ADGRB3: variants seen among roughly 807,000 people sequenced by gnomAD.
ADGRB3 encodes the protein adhesion G protein-coupled receptor B3.
A neutral mutation model predicts 193.4 loss-of-function variants in ADGRB3; 37 were observed. The observed-to-expected ratio is 0.19, with a 90% CI of 0.15 to 0.25. ADGRB3 has a LOEUF of 0.25. ADGRB3 is among the 10% of genes least tolerant of loss of function. The pLI is 1.00. For synonymous variants in ADGRB3, 690 were observed against 644.2 expected (o/e 1.07, Z -1.08); for missense variants, 1,637 against 1,852.9 (o/e 0.88, Z 2.14).
At chr6:68,689,467 C>A (rs971106659) in intron 3 of ADGRB3, among the ~76,000 whole-genome samples, 1 of 152,082 alleles carries the variant, frequency 6.6e-6, no homozygotes, top group African/African-American at 2.4e-5. Context: ...CAAGATTAAC[C>A]GGCTCAGGCC....
intron 3 of ADGRB3, among the ~76,000 whole-genome samples, chr6:68,814,014 C>A (rs1358632697): frequency 6.6e-6 from 1 of 152,148 alleles, no homozygotes; most frequent in Non-Finnish European, 1.5e-5. Flanking sequence ...CCACAATAAA[C>A]CTACGTGTGC....
Position 69,330,497 on chromosome 6 carries a change from C to T in ADGRB3, c.3036-9C>T, listed in dbSNP as rs747383216. ...ATTTTTGTTAGTTCTTATCTAATGT[C>T]ATTTTCAGCTGCTGGCTCTCTCTTG... is the stretch of plus-strand genomic sequence containing the variant. On this transcript the variant is annotated splice_polypyrimidine_tract_variant and intron_variant, in intron 22 of 31. Coordinates refer to ENST00000370598, the MANE Select transcript of ADGRB3 (RefSeq NM_001704.3). 3 of 1,600,510 alleles carry T rather than the reference C, an allele frequency of 1.9e-6. No homozygotes were observed. The highest frequency in any genetic ancestry group is 2.7e-5 in the African/African-American group (2 of 74,550).
intron 21 of ADGRB3, 101 bp downstream of exon 21, chr6:69,325,123 A>G: frequency 7.2e-7 from 1 of 1,393,346 alleles, no homozygotes; most frequent in Non-Finnish European, 9.7e-7. Context: ...CTTTGTGTCT[A>G]ATTTAATCTA....
chr6:69,110,529 G>C (rs1773339572), intron 17 of ADGRB3, among the ~76,000 whole-genome samples: 1 of 152,070 alleles, frequency 6.6e-6, no homozygotes, highest in Non-Finnish European at 1.5e-5. Flanking sequence ...GTCATTAATT[G>C]TTATAGAATT....
chr6:69,217,261 G>A (rs1329583646), intron 17 of ADGRB3, among the ~76,000 whole-genome samples: 1 of 152,188 alleles, frequency 6.6e-6, no homozygotes, highest in Non-Finnish European at 1.5e-5. Flanking sequence ...GGTCCTGGCA[G>A]TAGTCACCAA....
chr6:69,227,219 A>C (rs1055724678), intron 17 of ADGRB3, among the ~76,000 whole-genome samples: 1 of 152,168 alleles, frequency 6.6e-6, no homozygotes, highest in East Asian at 1.9e-4. Flanking sequence ...AAGAAAGGCC[A>C]ATAAGGAGCT....
intron 3 of ADGRB3, among the ~76,000 whole-genome samples, chr6:68,784,356 A>G (rs576313735): frequency 8.5e-5 from 13 of 152,068 alleles, no homozygotes; most frequent in South Asian, 2.1e-4. Context: ...ACTTTTTTCT[A>G]TGCTCACATA....
At chr6:69,078,265 G>A (rs930764750) in intron 17 of ADGRB3, among the ~76,000 whole-genome samples, 6 of 151,910 alleles carry the variant, frequency 3.9e-5, no homozygotes, top group African/African-American at 1.4e-4. Flanking sequence ...CAATGCACGA[G>A]TATTTTTTAC....
At chr6:68,727,135 A>G (rs908368340) in intron 3 of ADGRB3, among the ~76,000 whole-genome samples, 45 of 151,584 alleles carry the variant, frequency 3.0e-4, no homozygotes, top group Non-Finnish European at 1.0e-4. Context: ...CAGCTTTGTC[A>G]TTCAATGATG....
At chr6:68,643,925 C>CT (rs1185901621) in intron 3 of ADGRB3, among the ~76,000 whole-genome samples, 3 of 143,378 alleles carry the variant, frequency 2.1e-5, no homozygotes, top group Non-Finnish European at 3.0e-5. Context: ...GAGCAAGACT[C>CT]TATCAGAAAA....
chr6:68,853,974 T>C (rs1288907278), intron 3 of ADGRB3, among the ~76,000 whole-genome samples: 1 of 152,210 alleles, frequency 6.6e-6, no homozygotes, highest in African/African-American at 2.4e-5. Context: ...ACAGATCTTT[T>C]ATTAATCATC....
intron 3 of ADGRB3, among the ~76,000 whole-genome samples, chr6:68,716,978 T>C (rs1478433491): frequency 1.3e-5 from 2 of 151,676 alleles, no homozygotes; most frequent in African/African-American, 2.4e-5. Flanking sequence ...TGAAGAGACA[T>C]TGTGATAAAG....
In ADGRB3 at chr6:69,001,574, C is replaced by T. The variant is rs936549522; in HGVS notation, c.1929+7612C>T. Reference sequence around the variant, plus strand: ...ACCTAGATATGAGAAAAGAAGAGAGCGTGTCTTAGTGACAGTGGGTCAGAA... The same window carrying T: ...ACCTAGATATGAGAAAAGAAGAGAGTGTGTCTTAGTGACAGTGGGTCAGAA... On this transcript the variant is annotated intron_variant, in intron 11 of 31. Transcript: ENST00000370598. 8.6e-5 allele frequency among the ~76,000 whole-genome samples: 13 copies of T among 151,946 alleles called. No homozygotes were observed. The East Asian group carries it at 1.2e-3, about 14-fold the overall frequency.
chr6:68,859,985 A>G (rs535935437), intron 3 of ADGRB3, among the ~76,000 whole-genome samples: 1 of 152,312 alleles, frequency 6.6e-6, no homozygotes, highest in South Asian at 2.1e-4. Context: ...ATAACATAAT[A>G]GTAACTATAG....
intron 11 of ADGRB3, among the ~76,000 whole-genome samples, chr6:68,995,631 A>G (rs895440096): frequency 5.9e-5 from 9 of 152,122 alleles, no homozygotes; most frequent in Non-Finnish European, 4.4e-5. Flanking sequence ...TTTCCATCCT[A>G]CTTCATCAAA....
intron 29 of ADGRB3, among the ~76,000 whole-genome samples, chr6:69,371,506 A>G (rs1769706571): frequency 1.3e-5 from 2 of 152,064 alleles, no homozygotes; most frequent in Admixed American, 6.6e-5. Context: ...TGAATATTAC[A>G]TGCTTTAATT....
chr6:68,849,643 T>C (rs1487778100), intron 3 of ADGRB3, among the ~76,000 whole-genome samples: 1 of 151,946 alleles, frequency 6.6e-6, no homozygotes, highest in Non-Finnish European at 1.5e-5. Flanking sequence ...ACTCTCAAAC[T>C]CTCATTTTTA....
intron 3 of ADGRB3, among the ~76,000 whole-genome samples, chr6:68,688,316 G>A (rs1298271291): frequency 6.6e-6 from 1 of 152,084 alleles, no homozygotes; most frequent in Non-Finnish European, 1.5e-5. Context: ...TGCCATGATC[G>A]ATAAATTTAA....
At chr6:68,924,736 T>C (rs1021431716) in intron 3 of ADGRB3, among the ~76,000 whole-genome samples, 1 of 151,984 alleles carries the variant, frequency 6.6e-6, no homozygotes, top group Non-Finnish European at 1.5e-5. Context: ...CAAGTTTCAT[T>C]TTGTTACTGT....
Sources: gnomAD v4.1 joint callset for allele counts (sites outside exome capture counted in the v4.1 genomes callset) on GRCh38, gnomAD v4.1.1 for gene constraint, MANE v1.5 for transcripts, NCBI Gene and HGNC (gene_info 2026-07-23, HGNC 2026-07-21) for gene names.